The following VSTM1 variants were observed in gnomAD, a reference collection of about 807,000 sequenced individuals.
VSTM1 encodes V-set and transmembrane domain-containing protein 1.
Under a neutral mutation model 33.1 loss-of-function variants are expected in VSTM1, and 27 were observed. That is an observed-to-expected ratio of 0.82 (90% CI 0.60 to 1.12). The LOEUF (loss-of-function observed/expected upper bound fraction) is 1.12. Ranked by LOEUF, VSTM1 falls within the 50% of genes most tolerant of loss-of-function variation. The pLI is 0.00. For missense variants in VSTM1, 304 were observed against 288.9 expected, an observed-to-expected ratio of 1.05 and a Z score of -0.38; for synonymous variants, 115 against 110.3, an observed-to-expected ratio of 1.04 and a Z score of -0.27.
intron 4 of VSTM1, among the ~76,000 whole-genome samples, chr19:54,044,430 C>T (rs1451335123): frequency 1.4e-4 from 21 of 152,040 alleles, no homozygotes; most frequent in African/African-American, 5.1e-4. Context: ...CATGGTGGCG[C>T]ACGCCTGTAG....
chr19:54,040,887 T>C lies in VSTM1; in HGVS notation c.*74A>G. ...GGACGAAGAGCAAGGAAACACAGTA[T>C]CTGCATCTCCAGATTTCCGATAACC... is the stretch of plus-strand genomic sequence containing the variant. On this transcript the variant is annotated 3_prime_UTR_variant, in exon 9 of 9. Coordinates refer to ENST00000338372, the MANE Select transcript of VSTM1 (RefSeq NM_198481.4). 5 of 1,551,908 alleles carry C rather than the reference T, an allele frequency of 3.2e-6. No individual in the cohort carries two copies. Among genetic ancestry groups the C allele is most frequent in the Non-Finnish European group, 4.3e-6 (5 of 1,151,022 alleles).
In VSTM1 at chr19:54,052,402, A is replaced by AT. The variant is rs1380173497; in HGVS notation, c.356-955_356-954insA. On this transcript the variant is annotated intron_variant, in intron 3 of 8. Transcript: ENST00000338372. ...GACAGAGCCAGACTCCGTCTCAAAA[A>AT]AAAAATAAAAATAAAAATAAAAATG... 4.3e-5 allele frequency among the ~76,000 whole-genome samples: 6 copies of AT among 139,970 alleles called. 1 individual carries two copies. The highest frequency in any genetic ancestry group is 1.5e-4 in the Admixed American group (2 of 13,634). 91.8% of individuals were successfully genotyped at this position (139,970 alleles called of 152,430 possible).
chr19:54,041,348 C>T (rs910955670), intron 8 of VSTM1, among the ~76,000 whole-genome samples: 16 of 151,966 alleles, frequency 1.1e-4, no homozygotes, highest in Non-Finnish European at 2.1e-4. Flanking sequence ...GTCGCCCAGG[C>T]TGGAGTGCGG....
rs2070217019 is a variant in VSTM1 at position 54,040,883 on chromosome 19, A to C, written c.*78T>G. The C allele has an allele frequency of 2.0e-6, 3 of 1,535,624 alleles. No individual in the cohort carries two copies. The East Asian group carries it at 7.2e-5, about 37-fold the overall frequency. ...ATATGGACGAAGAGCAAGGAAACAC[A>C]GTATCTGCATCTCCAGATTTCCGAT... On this transcript the variant is annotated 3_prime_UTR_variant, in exon 9 of 9. Coordinates refer to ENST00000338372, the MANE Select transcript of VSTM1 (RefSeq NM_198481.4).
At position 54,050,460 on chromosome 19, in the gene VSTM1, G is replaced by A. The variant is rs1349106305; in HGVS notation, c.394+950C>T. ...TATATTCCTGAAGTACCTACTCTGCGTAGGTCCTGGTCCTACTCCCCAAAT... is the reference window on the plus strand; with the variant it reads ...TATATTCCTGAAGTACCTACTCTGCATAGGTCCTGGTCCTACTCCCCAAAT... On this transcript the variant is annotated intron_variant, in intron 4 of 8. Transcript: ENST00000338372. 5.3e-5 allele frequency among the ~76,000 whole-genome samples: 8 copies of A among 152,102 alleles called. No individual in the cohort carries two copies. In the East Asian group the frequency reaches 7.7e-4, roughly 15 times the overall value.
At chr19:54,049,991 ATTTTTTTTT>A (rs11297678) in intron 4 of VSTM1, among the ~76,000 whole-genome samples, 25 of 99,104 alleles carry the variant, frequency 2.5e-4, no homozygotes, top group Admixed American at 2.0e-3. Flanking sequence ...TAACTTTTTA[ATTTTTTTTT>A]TTTTTTTTTT....
At chr19:54,050,257 CCA>C (rs1568463587) in intron 4 of VSTM1, among the ~76,000 whole-genome samples, 2 of 152,006 alleles carry the variant, frequency 1.3e-5, no homozygotes, top group Admixed American at 1.3e-4. Flanking sequence ...CCTCGGCCTC[CCA>C]AAGTGCTGGG....
rs1486502004 is a variant in VSTM1 at position 54,041,053 on chromosome 19, C to T, written c.619G>A (p.Ala207Thr). 6.2e-7 allele frequency: 1 copy of T among 1,602,704 alleles called. No individual in the cohort carries two copies. The highest frequency in any genetic ancestry group is 8.5e-7 in the Non-Finnish European group (1 of 1,176,200). The change falls in exon 9 of 9, where the codon GCT becomes ACT. Residue 207 changes from alanine (A) to threonine (T), a missense_variant. Transcript: ENST00000338372. ...GACAGGGCGCTGGTGCTTAGCTCAG[C>T]ATAGGTCACTCCTTGGGGGTCTGCC... ...STADPQGVTY[A>T]ELSTSALSEA... is the part of the protein sequence containing the mutation.
At position 54,058,296 on chromosome 19, in the gene VSTM1, C is replaced by T. The variant is rs1160350736; in HGVS notation, c.355+10G>A. ...ATGTGTGCATCAAAGAGTACATCTG[C>T]CCTTCTCACCTGTGACCACCAGCTG... On this transcript the variant is annotated intron_variant, in intron 3 of 8. Transcript: ENST00000338372. 6.2e-7 allele frequency: 1 copy of T among 1,612,410 alleles called. No individual in the cohort carries two copies. The highest frequency in any genetic ancestry group is 8.5e-7 in the Non-Finnish European group (1 of 1,179,098).
chr19:54,043,914 G>A (rs4806694), intron 4 of VSTM1, among the ~76,000 whole-genome samples: 100,542 of 151,674 alleles, frequency 0.66, 33,527 homozygotes, highest in Middle Eastern at 0.8. Flanking sequence ...GGTCACAGAT[G>A]GGAGCTCAGG....
intron 1 of VSTM1, among the ~76,000 whole-genome samples, chr19:54,060,732 C>A (rs974850335): frequency 6.6e-6 from 1 of 152,108 alleles, no homozygotes; most frequent in African/African-American, 2.4e-5. Context: ...ACTCTGTGGC[C>A]CAGGCTGGAG....
rs535736380 is a variant in VSTM1, at chr19:54,054,905, G to A, written c.355+3401C>T. 2.4e-4 allele frequency among the ~76,000 whole-genome samples: 32 copies of A among 135,268 alleles called. 2 individuals carry two copies. Among genetic ancestry groups the A allele is most frequent in the African/African-American group, 8.5e-4 (31 of 36,526 alleles). 88.7% of individuals were successfully genotyped at this position (135,268 alleles called of 152,430 possible). Reference sequence around the variant, plus strand: ...GATGAGTTGATGGATAGATGGATAAGTGAGTGGATGGATGGGTGAATGAGT... The same window carrying A: ...GATGAGTTGATGGATAGATGGATAAATGAGTGGATGGATGGGTGAATGAGT... On this transcript the variant is annotated intron_variant, in intron 3 of 8. Transcript: ENST00000338372.
intron 1 of VSTM1, among the ~76,000 whole-genome samples, chr19:54,059,938 C>T (rs1286205393): frequency 1.3e-5 from 2 of 151,718 alleles, no homozygotes; most frequent in African/African-American, 4.8e-5. Flanking sequence ...AGCTCTGCCT[C>T]CCGGGTTCAC....
At chr19:54,045,891 T>G (rs1387313029) in intron 4 of VSTM1, among the ~76,000 whole-genome samples, 1 of 152,092 alleles carries the variant, frequency 6.6e-6, no homozygotes, top group Non-Finnish European at 1.5e-5. Context: ...TCTAATTATC[T>G]GTCTATCTAA....
Position 54,041,010 on chromosome 19 carries a change from G to T in VSTM1, c.662C>A (p.Thr221Asn). The change falls in exon 9 of 9, where the codon ACC becomes AAC. Residue 221 changes from threonine (T) to asparagine (N), a missense_variant. Transcript: ENST00000338372. Reference protein sequence around the residue: ...TSALSEAASDTTQEPPGSHEY... With the variant: ...TSALSEAASDNTQEPPGSHEY... Reference sequence around the variant, plus strand: ...ATGAGATCCTGGGGGCTCCTGGGTGGTGTCTGAAGCTGCCTCAGACAGGGC... The same window carrying T: ...ATGAGATCCTGGGGGCTCCTGGGTGTTGTCTGAAGCTGCCTCAGACAGGGC... 1 of 1,610,046 alleles carries T rather than the reference G, an allele frequency of 6.2e-7. No individual in the cohort carries two copies. Among genetic ancestry groups the T allele is most frequent in the South Asian group, 1.1e-5 (1 of 90,744 alleles).
At chr19:54,047,093 G>C (rs775363334) in intron 4 of VSTM1, among the ~76,000 whole-genome samples, 1 of 152,080 alleles carries the variant, frequency 6.6e-6, no homozygotes, top group Non-Finnish European at 1.5e-5. Context: ...TATTTGGGAG[G>C]CTGAGGCAGG....
At chr19:54,052,085 C>A (rs2070867111) in intron 3 of VSTM1, among the ~76,000 whole-genome samples, 1 of 152,104 alleles carries the variant, frequency 6.6e-6, no homozygotes, top group Non-Finnish European at 1.5e-5. Flanking sequence ...CACAGTGGCA[C>A]CATTTAGTCT....
intron 4 of VSTM1, among the ~76,000 whole-genome samples, chr19:54,043,104 A>ACCTTGGAGCTGGAACTT (rs1320530883): frequency 1.3e-5 from 2 of 151,872 alleles, no homozygotes; most frequent in Non-Finnish European, 2.9e-5. Context: ...TGGATCTCCC[A>ACCTTGGAGCTGGAACTT]CCTTGGAGCT....
At chr19:54,049,889 A>C (rs958712666) in intron 4 of VSTM1, among the ~76,000 whole-genome samples, 3 of 151,986 alleles carry the variant, frequency 2.0e-5, no homozygotes, top group Non-Finnish European at 4.4e-5. Context: ...GAAAGGAAGG[A>C]TGATTAAGCA....
Sources: allele counts gnomAD v4.1 joint callset (sites outside exome capture counted in the v4.1 genomes callset), GRCh38; gene constraint gnomAD v4.1.1; transcripts MANE v1.5; gene names NCBI Gene and HGNC (gene_info 2026-07-23, HGNC 2026-07-21).